PRKN: variants seen among roughly 807,000 people sequenced by gnomAD.
PRKN encodes the protein parkin RBR E3 ubiquitin protein ligase, also known as E3 ubiquitin-protein ligase parkin.
In PRKN, 56 loss-of-function variants were observed where a neutral mutation model predicts 59.5. The ratio of observed to expected loss-of-function variants is 0.94; its 90% CI spans 0.76 to 1.18. The LOEUF (loss-of-function observed/expected upper bound fraction) is 1.18, where lower values mean the gene tolerates loss of function less well. PRKN is among the 50% of genes most tolerant of loss of function. The pLI, the probability that PRKN is intolerant of heterozygous loss-of-function variation, is 0.00. For synonymous variants in PRKN, 250 were observed against 222.1 expected (o/e 1.13, Z -1.12); for missense variants, 657 against 596.4 (o/e 1.10, Z -1.06).
chr6:161,691,846 T>C (rs1785808846), intron 7 of PRKN, among the ~76,000 whole-genome samples: 1 of 151,118 alleles, frequency 6.6e-6, no homozygotes, highest in Non-Finnish European at 1.5e-5. Context: ...GCTCTGCAAA[T>C]GTCGATGAAG....
chr6:162,248,912 C>T (rs1779311742), intron 3 of PRKN, among the ~76,000 whole-genome samples: 1 of 151,074 alleles, frequency 6.6e-6, no homozygotes, highest in Admixed American at 6.6e-5. Flanking sequence ...CAGAGTCTTG[C>T]TCTGTCACCA....
At chr6:162,704,792 C>G (rs1008102771) in intron 1 of PRKN, among the ~76,000 whole-genome samples, 5 of 152,112 alleles carry the variant, frequency 3.3e-5, no homozygotes, top group Non-Finnish European at 4.4e-5. Flanking sequence ...CTCTAACACA[C>G]AGCAGGTGTG....
chr6:162,201,713 A>G (rs1392722214), intron 3 of PRKN, among the ~76,000 whole-genome samples: 1 of 152,170 alleles, frequency 6.6e-6, no homozygotes, highest in Non-Finnish European at 1.5e-5. Context: ...AAATGATATG[A>G]TCACAGTTTG....
At chr6:161,672,770 C>T (rs556027211) in intron 7 of PRKN, among the ~76,000 whole-genome samples, 2 of 152,076 alleles carry the variant, frequency 1.3e-5, no homozygotes, top group South Asian at 4.2e-4. Context: ...AGCAAGACTC[C>T]ATTACACAAA....
At chr6:162,292,296 C>T in intron 2 of PRKN, among the ~76,000 whole-genome samples, 1 of 152,130 alleles carries the variant, frequency 6.6e-6, no homozygotes, top group East Asian at 1.9e-4. Context: ...TGGCACTGAT[C>T]CGTCTTTCAA....
intron 4 of PRKN, among the ~76,000 whole-genome samples, chr6:162,163,866 G>A (rs1299572604): frequency 1.3e-5 from 2 of 149,048 alleles, no homozygotes; most frequent in Non-Finnish European, 3.0e-5. Flanking sequence ...TAGGCTCCAC[G>A]TTCACCTGCT....
intron 6 of PRKN, among the ~76,000 whole-genome samples, chr6:161,804,943 T>C (rs1791244559): frequency 6.6e-6 from 1 of 152,216 alleles, no homozygotes; most frequent in South Asian, 2.1e-4. Context: ...ATAAGAAAGT[T>C]GGACTATTAA....
intron 6 of PRKN, among the ~76,000 whole-genome samples, chr6:161,833,402 C>T (rs1248242353): frequency 6.6e-6 from 1 of 152,276 alleles, no homozygotes; most frequent in East Asian, 1.9e-4. Flanking sequence ...AGTTAGGTAG[C>T]TTATAATATG....
chr6:162,634,533 T>A (rs1024224361), intron 1 of PRKN, among the ~76,000 whole-genome samples: 1 of 152,182 alleles, frequency 6.6e-6, no homozygotes, highest in Non-Finnish European at 1.5e-5. Context: ...GAATGCACAC[T>A]TCTTCAGGCA....
intron 1 of PRKN, among the ~76,000 whole-genome samples, chr6:162,702,260 C>T (rs1482250534): frequency 6.6e-6 from 1 of 152,048 alleles, no homozygotes; most frequent in Non-Finnish European, 1.5e-5. Context: ...TATATTGAGT[C>T]TCTGGTTTAC....
At chr6:162,198,112 T>G (rs1019659705) in intron 4 of PRKN, among the ~76,000 whole-genome samples, 3 of 152,132 alleles carry the variant, frequency 2.0e-5, no homozygotes, top group Non-Finnish European at 4.4e-5. Flanking sequence ...TAGAAAAACT[T>G]CAGAGAAGGG....
At chr6:162,655,454 AAGAG>A (rs1778609637) in intron 1 of PRKN, among the ~76,000 whole-genome samples, 1 of 152,188 alleles carries the variant, frequency 6.6e-6, no homozygotes, top group Admixed American at 6.5e-5. Context: ...CGTATATACA[AAGAG>A]AGAGTATATA....
intron 1 of PRKN, among the ~76,000 whole-genome samples, chr6:162,522,350 G>A (rs1356330014): frequency 6.6e-6 from 1 of 152,112 alleles, no homozygotes; most frequent in Non-Finnish European, 1.5e-5. Context: ...TCTCGAACTT[G>A]TGAGCTTCAG....
At chr6:161,828,577 G>A (rs1792343112) in intron 6 of PRKN, among the ~76,000 whole-genome samples, 1 of 152,118 alleles carries the variant, frequency 6.6e-6, no homozygotes, top group African/African-American at 2.4e-5. Context: ...TCTGCTTCCC[G>A]CCCCTCTGTT....
intron 1 of PRKN, among the ~76,000 whole-genome samples, chr6:162,615,825 A>T (rs148620826): frequency 6.6e-6 from 1 of 152,148 alleles, no homozygotes; most frequent in Non-Finnish European, 1.5e-5. Context: ...ACATGTGGGT[A>T]AAAAGTTTTG....
chr6:161,561,713 T>A lies in PRKN; in HGVS notation c.933+7642A>T, dbSNP rs1340398889. ...CCCTTCTTCAGTTCTTGGATCTCTCTCTCAAATTACCGGTAATTCATCTCT... is the reference window on the plus strand; with the variant it reads ...CCCTTCTTCAGTTCTTGGATCTCTCACTCAAATTACCGGTAATTCATCTCT... On this transcript the variant is annotated intron_variant, in intron 8 of 11. Coordinates refer to ENST00000366898, the MANE Select transcript of PRKN (RefSeq NM_004562.3). The surrounding 1 kb of genome is among the most constrained non-coding windows in gnomAD (Gnocchi z 5.0). 6.6e-6 allele frequency among the ~76,000 whole-genome samples: 1 copy of A among 152,098 alleles called. No homozygotes were observed.
intron 3 of PRKN, among the ~76,000 whole-genome samples, chr6:162,217,013 T>A (rs1777706173): frequency 6.6e-6 from 1 of 152,212 alleles, no homozygotes; most frequent in African/African-American, 2.4e-5. Context: ...ACTTAATTGA[T>A]ATTGCAAACA....
intron 3 of PRKN, among the ~76,000 whole-genome samples, chr6:162,235,057 A>G (rs1190664644): frequency 6.6e-6 from 1 of 152,212 alleles, no homozygotes; most frequent in African/African-American, 2.4e-5. Context: ...AAATGGTATA[A>G]AAGGATTAGT....
In PRKN at chr6:161,468,066, G is replaced by A. The variant is rs1465865085; in HGVS notation, c.1083+80788C>T. Among the ~76,000 whole-genome samples the A allele has an allele frequency of 2.6e-5, 4 of 152,076 alleles. No homozygotes were observed. Among genetic ancestry groups the A allele is most frequent in the African/African-American group, 4.8e-5 (2 of 41,396 alleles). ...CAGCTCACTGCAACCTCTGCCTTCC[G>A]GGTTCAAGCAATTTTCCTGCCTCAG... On this transcript the variant is annotated intron_variant, in intron 9 of 11. Coordinates refer to ENST00000366898, the MANE Select transcript of PRKN (RefSeq NM_004562.3). This position sits in a 1 kb window ranked among gnomAD's most constrained non-coding sequence, Gnocchi z 5.9.
Sources: allele counts gnomAD v4.1 joint callset (sites outside exome capture counted in the v4.1 genomes callset), GRCh38; gene constraint gnomAD v4.1.1; non-coding constraint Gnocchi (gnomAD v3.1); transcripts MANE v1.5; gene names NCBI Gene and HGNC (gene_info 2026-07-23, HGNC 2026-07-21).